The following TAFA2 variants were observed in gnomAD, a reference collection of about 807,000 sequenced individuals.
TAFA2 encodes chemokine-like protein TAFA-2.
A neutral mutation model predicts 18.8 loss-of-function variants in TAFA2; 7 were observed. The ratio of observed to expected loss-of-function variants is 0.37; its 90% confidence interval spans 0.21 to 0.70. TAFA2 has a LOEUF of 0.70. Among genes scored for constraint, TAFA2 ranks in the 30% least tolerant of loss-of-function variants. TAFA2 has a pLI of 0.53. For synonymous variants in TAFA2, 60 were observed against 54.2 expected, an observed-to-expected ratio of 1.11 and a Z score of -0.47; for missense variants, 122 against 158.1, an observed-to-expected ratio of 0.77 and a Z score of 1.23.
intron 1 of TAFA2, among the ~76,000 whole-genome samples, chr12:62,099,901 T>C (rs1292940772): frequency 6.6e-6 from 1 of 152,196 alleles, no homozygotes; most frequent in Non-Finnish European, 1.5e-5. Context: ...AGAAAAATTT[T>C]TTTCATTTAG....
At chr12:61,809,499 A>C (rs1034479904) in intron 2 of TAFA2, among the ~76,000 whole-genome samples, 3 of 151,290 alleles carry the variant, frequency 2.0e-5, no homozygotes, top group Admixed American at 6.6e-5. Context: ...TAGTTGACCA[A>C]GTCTTAGGGC....
intron 1 of TAFA2, among the ~76,000 whole-genome samples, chr12:62,144,459 C>G (rs1429027859): frequency 6.9e-6 from 1 of 144,802 alleles, no homozygotes; most frequent in Non-Finnish European, 1.5e-5. Flanking sequence ...CTCCCTCCAC[C>G]AAAAAAAAAA....
At chr12:62,143,530 T>C (rs188752064) in intron 1 of TAFA2, among the ~76,000 whole-genome samples, 119 of 152,186 alleles carry the variant, frequency 7.8e-4, no homozygotes, top group African/African-American at 2.7e-3. Context: ...CAGGGTAACA[T>C]CCCTAGGGAC....
At chr12:62,143,625 C>A (rs55812402) in intron 1 of TAFA2, among the ~76,000 whole-genome samples, 3,176 of 152,260 alleles carry the variant, frequency 0.021, 51 homozygotes, top group Non-Finnish European at 0.033. Context: ...ACAACCTGAG[C>A]AGCTTTCAGC....
intron 1 of TAFA2, among the ~76,000 whole-genome samples, chr12:62,239,395 T>C (rs146212939): frequency 6.6e-6 from 1 of 152,334 alleles, no homozygotes; most frequent in East Asian, 1.9e-4. Context: ...TTATAAGCAC[T>C]GATCCTCATC....
intron 1 of TAFA2, among the ~76,000 whole-genome samples, chr12:61,958,687 A>G (rs1394913952): frequency 6.6e-6 from 1 of 151,912 alleles, no homozygotes; most frequent in East Asian, 1.9e-4. Context: ...TTTCTTGTTT[A>G]TATAGATATT....
intron 1 of TAFA2, among the ~76,000 whole-genome samples, chr12:61,973,563 C>T (rs867499056): frequency 1.3e-5 from 2 of 151,288 alleles, no homozygotes; most frequent in Non-Finnish European, 3.0e-5. Context: ...ATTTCAAATC[C>T]CAAGCTATCA....
chr12:61,873,182 G>C (rs1874693475), intron 1 of TAFA2, among the ~76,000 whole-genome samples: 1 of 152,144 alleles, frequency 6.6e-6, no homozygotes, highest in Non-Finnish European at 1.5e-5. Flanking sequence ...ATGGAGATGT[G>C]AAGAACAGTA....
At chr12:61,798,369 G>A (rs1293135217) in intron 2 of TAFA2, among the ~76,000 whole-genome samples, 2 of 151,902 alleles carry the variant, frequency 1.3e-5, no homozygotes, top group African/African-American at 4.8e-5. Context: ...GAATACATGT[G>A]CAGGACGTGC....
chr12:61,900,223 G>A (rs1384270851), intron 1 of TAFA2, among the ~76,000 whole-genome samples: 2 of 152,162 alleles, frequency 1.3e-5, no homozygotes, highest in Non-Finnish European at 2.9e-5. Context: ...ACTTATGCAT[G>A]AGAAAAAATT....
rs184932357 is a variant in TAFA2 at position 61,786,885 on chromosome 12, A to C, written c.107-31861T>G. The stretch of plus-strand genomic sequence containing the variant: ...ATAAAAAGTTATAGCTAACAAGCCA[A>C]ATAAGATGATACAATGAAATTATAA... On this transcript the variant is annotated intron_variant, in intron 2 of 4. Transcript: ENST00000416284. 1.2e-3 allele frequency among the ~76,000 whole-genome samples: 188 copies of C among 151,712 alleles called. No homozygotes were observed. The Middle Eastern group carries it at 0.014, about 11-fold the overall frequency.
At chr12:61,925,447 C>A (rs1877247576) in intron 1 of TAFA2, among the ~76,000 whole-genome samples, 1 of 152,186 alleles carries the variant, frequency 6.6e-6, no homozygotes, top group Non-Finnish European at 1.5e-5. Context: ...CAAAACTGCA[C>A]AACTACTTGG....
intron 2 of TAFA2, among the ~76,000 whole-genome samples, chr12:61,769,104 A>C (rs1869915205): frequency 6.6e-6 from 1 of 151,716 alleles, no homozygotes; most frequent in Non-Finnish European, 1.5e-5. Context: ...GGTATGAAGC[A>C]GCAGAGGCAG....
At chr12:61,914,558 T>C (rs761068686) in intron 1 of TAFA2, among the ~76,000 whole-genome samples, 52 of 152,200 alleles carry the variant, frequency 3.4e-4, no homozygotes, top group Non-Finnish European at 7.1e-4. Flanking sequence ...GGCCCATCAA[T>C]GAATAAAAAC....
At chr12:62,175,109 T>C (rs1047749126) in intron 1 of TAFA2, among the ~76,000 whole-genome samples, 4 of 152,174 alleles carry the variant, frequency 2.6e-5, no homozygotes, top group Non-Finnish European at 5.9e-5. Context: ...CCTTTCCCTG[T>C]GGATTTTTTT....
At chr12:62,126,601 C>T (rs550787668) in intron 1 of TAFA2, among the ~76,000 whole-genome samples, 25 of 152,078 alleles carry the variant, frequency 1.6e-4, no homozygotes, top group Non-Finnish European at 3.2e-4. Context: ...CACAAACCCC[C>T]TCTATGTGCA....
At chr12:62,194,968 G>A (rs903649286), upstream of TAFA2, among the ~76,000 whole-genome samples, 2 of 152,136 alleles carry the variant, frequency 1.3e-5, no homozygotes, top group African/African-American at 2.4e-5. Flanking sequence ...TAAAAAAAGT[G>A]TACTGATGAT....
At chr12:61,973,282 T>A (rs987387327) in intron 1 of TAFA2, among the ~76,000 whole-genome samples, 5 of 151,492 alleles carry the variant, frequency 3.3e-5, no homozygotes, top group African/African-American at 1.2e-4. Context: ...ATGTGAACAG[T>A]CCTGCTGAAA....
chr12:61,828,215 G>A (rs1000664741), intron 2 of TAFA2, among the ~76,000 whole-genome samples: 30 of 151,900 alleles, frequency 2.0e-4, no homozygotes, highest in African/African-American at 6.5e-4. Flanking sequence ...AGAGGAAGGA[G>A]GAAATTGAAT....
Sources: allele counts gnomAD v4.1 joint callset (sites outside exome capture counted in the v4.1 genomes callset), GRCh38; gene constraint gnomAD v4.1.1; transcripts MANE v1.5; gene names NCBI Gene and HGNC (gene_info 2026-07-23, HGNC 2026-07-21).